The following ZMAT3 variants were observed in gnomAD, a reference collection of about 807,000 sequenced individuals.
ZMAT3 encodes the protein zinc finger matrin-type 3.
A neutral mutation model predicts 32.3 loss-of-function variants in ZMAT3; 17 were observed. The ratio of observed to expected loss-of-function variants is 0.53; its 90% CI spans 0.36 to 0.79. ZMAT3 has a LOEUF of 0.79. Among genes scored for constraint, ZMAT3 ranks in the 30% least tolerant of loss-of-function variants. The pLI is 0.00. For synonymous variants in ZMAT3, 120 were observed against 133.1 expected (o/e 0.90, Z 0.68); for missense variants, 329 against 359.7 (o/e 0.91, Z 0.69).
chr3:179,055,508 A>T (rs1210141493), intron 2 of ZMAT3, among the ~76,000 whole-genome samples: 2 of 137,864 alleles, frequency 1.5e-5, no homozygotes, highest in Non-Finnish European at 3.1e-5. Context: ...ACTAATAAGG[A>T]CCCCCCTTTA....
rs1718485500 is a variant in ZMAT3 at position 179,020,418 on chromosome 3, G to T, written c.*4599C>A. On this transcript the variant is annotated 3_prime_UTR_variant, in exon 6 of 6. Coordinates refer to ENST00000311417, the MANE Select transcript of ZMAT3 (RefSeq NM_022470.4). Reference sequence around the variant, plus strand: ...GTGACAGTAACTGCTCACAATGGTAGGGGTTCTCCCCTGCCAAGAAAGCAA... The same window carrying T: ...GTGACAGTAACTGCTCACAATGGTATGGGTTCTCCCCTGCCAAGAAAGCAA... 1 of 152,162 alleles carries T rather than the reference G, an allele frequency of 6.6e-6. No homozygotes were observed. The highest frequency in any genetic ancestry group is 2.1e-4 in the South Asian group (1 of 4,832). 9.4% of individuals were successfully genotyped at this position (152,162 alleles called of 1,614,324 possible).
intron 2 of ZMAT3, among the ~76,000 whole-genome samples, chr3:179,054,817 G>A (rs1044963846): frequency 2.6e-5 from 4 of 152,150 alleles, no homozygotes; most frequent in Non-Finnish European, 4.4e-5. Context: ...CCAGCGAGGC[G>A]CCCATTGCTG....
chr3:179,035,924 T>G (rs1428737206), intron 2 of ZMAT3, among the ~76,000 whole-genome samples: 1 of 152,174 alleles, frequency 6.6e-6, no homozygotes, highest in Non-Finnish European at 1.5e-5. Context: ...AAGAAAACTG[T>G]GCACCAAGAA....
At chr3:179,028,698 G>A (rs1719017026) in intron 3 of ZMAT3, among the ~76,000 whole-genome samples, 1 of 152,148 alleles carries the variant, frequency 6.6e-6, no homozygotes, top group Non-Finnish European at 1.5e-5. Context: ...AGATCTCTCT[G>A]GGTATCTTCT....
At chr3:179,049,820 G>A (rs1167616927) in intron 2 of ZMAT3, among the ~76,000 whole-genome samples, 4 of 151,656 alleles carry the variant, frequency 2.6e-5, no homozygotes, top group East Asian at 1.9e-4. Context: ...GTGAAACCAC[G>A]TCTCTACTAA....
At position 179,049,084 on chromosome 3, in the gene ZMAT3, T is replaced by C. The variant is rs780857740; in HGVS notation, c.271-18085A>G. Among the ~76,000 whole-genome samples, 7 of 152,092 alleles carry C rather than the reference T, an allele frequency of 4.6e-5. 1 individual carries two copies. The highest frequency in any genetic ancestry group is 1.0e-4 in the Non-Finnish European group (7 of 67,986). ...CAGTTAAAAAAGACAAAGAGGGACA[T>C]AATACAATAATAAAAGGACTAGTCC... On this transcript the variant is annotated intron_variant, in intron 2 of 5. Transcript: ENST00000311417.
At chr3:179,040,532 T>C (rs536909563) in intron 2 of ZMAT3, among the ~76,000 whole-genome samples, 6 of 152,280 alleles carry the variant, frequency 3.9e-5, no homozygotes, top group Non-Finnish European at 5.9e-5. Flanking sequence ...AAGCAAATGC[T>C]GAGAGATTTT....
upstream of ZMAT3, chr3:179,071,820 G>A (rs1167607886): frequency 6.5e-6 from 1 of 152,830 alleles, no homozygotes; most frequent in Non-Finnish European, 1.5e-5. Context: ...GCGGAACCGG[G>A]AGGCGGTGGA....
At chr3:179,031,946 C>A (rs570378282) in intron 2 of ZMAT3, among the ~76,000 whole-genome samples, 1 of 1,450 alleles carries the variant, frequency 6.9e-4, no homozygotes, top group Non-Finnish European at 1.3e-3. Context: ...CCTCCCCCTC[C>A]CCCTCCCCCT....
At chr3:179,055,475 T>TCC (rs1307862100) in intron 2 of ZMAT3, among the ~76,000 whole-genome samples, 38 of 139,784 alleles carry the variant, frequency 2.7e-4, no homozygotes, top group African/African-American at 9.6e-4. Context: ...TACCCCAGCG[T>TCC]CCCCTCCCCG....
In ZMAT3 at chr3:179,019,198, CTT is replaced by C. The variant is rs1718420294; in HGVS notation, c.*5817_*5818del. 8.6e-5 allele frequency: 13 copies of C among 151,514 alleles called. No homozygotes were observed. Among genetic ancestry groups the C allele is most frequent in the Admixed American group, 8.5e-4 (13 of 15,212 alleles). The allele number at this position is 151,514 out of a possible 1,614,324, so 9.4% of individuals were successfully genotyped here. ...TAAAAATGACCAATTCTAAAATAAA[CTT>C]GTGTTTGAAAGGAATTGTCCTCCCT... On this transcript the variant is annotated 3_prime_UTR_variant, in exon 6 of 6. Coordinates refer to ENST00000311417, the MANE Select transcript of ZMAT3 (RefSeq NM_022470.4).
intron 1 of ZMAT3, among the ~76,000 whole-genome samples, chr3:179,069,280 A>T (rs916758294): frequency 1.3e-5 from 2 of 152,116 alleles, no homozygotes; most frequent in African/African-American, 4.8e-5. Context: ...TAATTCCCTC[A>T]GAAAAGACCC....
At chr3:179,053,381 T>C (rs1720673204) in intron 2 of ZMAT3, among the ~76,000 whole-genome samples, 1 of 152,012 alleles carries the variant, frequency 6.6e-6, no homozygotes, top group Admixed American at 6.6e-5. Flanking sequence ...GAAAGCTCTT[T>C]CTTAAAGTAA....
At chr3:179,059,537 C>T (rs1721042025) in intron 2 of ZMAT3, among the ~76,000 whole-genome samples, 1 of 152,158 alleles carries the variant, frequency 6.6e-6, no homozygotes, top group African/African-American at 2.4e-5. Flanking sequence ...ACATTTCAAT[C>T]CCTGTATCTT....
chr3:179,056,090 T>C (rs1430250320), intron 2 of ZMAT3, among the ~76,000 whole-genome samples: 1 of 152,216 alleles, frequency 6.6e-6, no homozygotes, highest in East Asian at 1.9e-4. Context: ...ACTGCTTTTC[T>C]GGACAGACTA....
chr3:179,063,690 G>A (rs969282749), intron 2 of ZMAT3, among the ~76,000 whole-genome samples: 1 of 152,200 alleles, frequency 6.6e-6, no homozygotes, highest in African/African-American at 2.4e-5. Flanking sequence ...TGATGAAACA[G>A]TGGTATGTTA....
intron 2 of ZMAT3, among the ~76,000 whole-genome samples, chr3:179,047,944 T>TG (rs1485089897): frequency 1.3e-5 from 2 of 151,772 alleles, no homozygotes; most frequent in Admixed American, 6.6e-5. Flanking sequence ...AAATGTTCAG[T>TG]GAAATAGATA....
chr3:179,028,732 A>AT (rs1719018413), intron 3 of ZMAT3, among the ~76,000 whole-genome samples: 1 of 152,218 alleles, frequency 6.6e-6, no homozygotes, highest in African/African-American at 2.4e-5. Flanking sequence ...GGTTTTTTAT[A>AT]TATCTCATTT....
In ZMAT3 at chr3:179,024,109, G is replaced by C. The variant is rs1478235011; in HGVS notation, c.*908C>G. 1 of 152,044 alleles carries C rather than the reference G, an allele frequency of 6.6e-6. No homozygotes were observed. The highest frequency in any genetic ancestry group is 1.5e-5 in the Non-Finnish European group (1 of 68,046). The allele number at this position is 152,044 out of a possible 1,614,324, so 9.4% of individuals were successfully genotyped here. ...CACAGCACAGCTGGGGCATGAAAATGGGCTTGTTAGACAAGCTGATTCAAC... is the reference window on the plus strand; with the variant it reads ...CACAGCACAGCTGGGGCATGAAAATCGGCTTGTTAGACAAGCTGATTCAAC... On this transcript the variant is annotated 3_prime_UTR_variant, in exon 6 of 6. Coordinates refer to ENST00000311417, the MANE Select transcript of ZMAT3 (RefSeq NM_022470.4).
Sources: allele counts gnomAD v4.1 joint callset (sites outside exome capture counted in the v4.1 genomes callset), GRCh38; gene constraint gnomAD v4.1.1; transcripts MANE v1.5; gene names NCBI Gene and HGNC (gene_info 2026-07-23, HGNC 2026-07-21).